The following DOCK7 variants were observed in gnomAD, a reference collection of about 807,000 sequenced individuals.
DOCK7 encodes the protein dedicator of cytokinesis 7, also known as dedicator of cytokinesis protein 7.
Under a neutral mutation model 271.0 loss-of-function variants are expected in DOCK7, and 138 were observed. The observed-to-expected ratio is 0.51, with a 90% confidence interval of 0.44 to 0.59. The LOEUF is 0.59. Ranked by LOEUF, DOCK7 falls within the 20% of genes least tolerant of loss-of-function variation. DOCK7 has a pLI of 0.00. For missense variants in DOCK7, 2,066 were observed against 2,592.4 expected (o/e 0.80, Z 4.41); for synonymous variants, 823 against 876.1 (o/e 0.94, Z 1.07).
Position 62,580,869 on chromosome 1 carries a change from G to T in DOCK7, c.1872-1903C>A, listed in dbSNP as rs147282580. ...TTTTTAAATGATTGGGGGTAAAAAA[G>T]AATAATATTTCACAACATGTGAAAA... On this transcript the variant is annotated intron_variant, in intron 16 of 49. Transcript: ENST00000635253. 5.8e-4 allele frequency among the ~76,000 whole-genome samples: 88 copies of T among 152,178 alleles called. 3 individuals are homozygous for T. In the East Asian group the frequency reaches 0.016, roughly 27 times the overall value.
intron 20 of DOCK7, 30 bp downstream of exon 20, chr1:62,558,959 A>T (rs1472274392): frequency 6.5e-7 from 1 of 1,536,082 alleles, no homozygotes; most frequent in Non-Finnish European, 8.9e-7. Flanking sequence ...TATAAATTTC[A>T]CGTCTCATCC....
At chr1:62,539,093 G>A (rs936906736) in intron 27 of DOCK7, among the ~76,000 whole-genome samples, 4 of 152,162 alleles carry the variant, frequency 2.6e-5, no homozygotes, top group African/African-American at 4.8e-5. Context: ...TGAACATATG[G>A]CAAATGGGTA....
Position 62,489,031 on chromosome 1 carries a change from T to C in DOCK7, c.5396A>G (p.Lys1799Arg), listed in dbSNP as rs1646380036. Residue 1799 changes from lysine to arginine, a missense_variant, in exon 42 of 50, where the codon AAA becomes AGA. By Grantham distance (26) the Lys-to-Arg change is conservative (BLOSUM62 2). This residue lies in a region of DOCK7 where 652 missense variants were observed against 922.1 expected (regional missense o/e 0.71). Coordinates refer to ENST00000635253, the MANE Select transcript of DOCK7 (RefSeq NM_001367561.1). ...GMYEAVNEVY[K>R]VLIPIHEANR... ...AGCTTCATGAATAGGAATAAGTACTTTGTAAACTTCATTAACTGCTTCATA... is the reference window on the plus strand; with the variant it reads ...AGCTTCATGAATAGGAATAAGTACTCTGTAAACTTCATTAACTGCTTCATA... 1.2e-6 allele frequency: 2 copies of C among 1,605,476 alleles called. No homozygotes were observed. Among genetic ancestry groups the C allele is most frequent in the South Asian group, 2.2e-5 (2 of 90,046 alleles).
In DOCK7 at chr1:62,555,862, G is replaced by A. The variant is rs1646124771; in HGVS notation, c.2559C>T (p.Phe853=). ...AATTAGGGTAAGTATTTGGTAGGCG[G>A]AAAACATAATGAATATATGATGCAA... ...SLLASYIHYV[F]RLPNTYPNSS... is the part of the protein sequence containing the mutation. Residue 853 remains phenylalanine (F), a synonymous_variant, in exon 21 of 50, where the codon TTC becomes TTT. Coordinates refer to ENST00000635253, the MANE Select transcript of DOCK7 (RefSeq NM_001367561.1). 1 of 1,613,320 alleles carries A rather than the reference G, an allele frequency of 6.2e-7. No individual in the cohort carries two copies. The highest frequency in any genetic ancestry group is 1.1e-5 in the South Asian group (1 of 90,940).
chr1:62,577,219 C>A, intron 18 of DOCK7, 43 bp downstream of exon 18: 2 of 1,252,818 alleles, frequency 1.6e-6, no homozygotes, highest in South Asian at 2.3e-5. Flanking sequence ...GTAAAAAACC[C>A]ATTTCATTCA....
intron 29 of DOCK7, 128 bp downstream of exon 29, chr1:62,535,365 T>C: frequency 1.4e-6 from 1 of 718,756 alleles, no homozygotes; most frequent in Non-Finnish European, 2.2e-6. Flanking sequence ...AGAAACTTAG[T>C]GAAGAGGGAA....
chr1:62,621,484 T>C (rs1387413471), intron 12 of DOCK7, among the ~76,000 whole-genome samples: 1 of 152,194 alleles, frequency 6.6e-6, no homozygotes, highest in African/African-American at 2.4e-5. Context: ...TGTTCTTTTA[T>C]CTTATTTGGT....
intron 22 of DOCK7, among the ~76,000 whole-genome samples, chr1:62,551,698 A>C (rs761337150): frequency 1.5e-4 from 23 of 152,050 alleles, no homozygotes; most frequent in Admixed American, 3.3e-4. Context: ...AAAAGAAAAC[A>C]ACATAAAAAC....
chr1:62,461,328 GAT>G (rs1282515798), intron 48 of DOCK7, among the ~76,000 whole-genome samples: 5 of 151,796 alleles, frequency 3.3e-5, no homozygotes, highest in African/African-American at 1.2e-4. Flanking sequence ...ATTCTAATAA[GAT>G]AAATTATTAG....
intron 35 of DOCK7, among the ~76,000 whole-genome samples, chr1:62,506,192 C>T (rs1646930985): frequency 6.6e-6 from 1 of 151,986 alleles, no homozygotes; most frequent in Non-Finnish European, 1.5e-5. Flanking sequence ...GTTGGTGGTA[C>T]ACAAATAACC....
At chr1:62,603,175 G>C (rs1650408421) in intron 14 of DOCK7, among the ~76,000 whole-genome samples, 1 of 151,642 alleles carries the variant, frequency 6.6e-6, no homozygotes, top group Non-Finnish European at 1.5e-5. Flanking sequence ...AAAATAAAAG[G>C]CTGACAGGTA....
chr1:62,480,095 C>CTA (rs1646076715), intron 43 of DOCK7, among the ~76,000 whole-genome samples: 2 of 152,110 alleles, frequency 1.3e-5, no homozygotes, highest in African/African-American at 4.8e-5. Context: ...GGACTTGTTC[C>CTA]CTTTAGTTAA....
chr1:62,633,478 T>A lies in DOCK7; in HGVS notation c.1116+20A>T, dbSNP rs751142199. ...TACAATAGTAATAATGTGGCGGAAATGAGAAGCATAACATTCTACCTTGGT... is the reference window on the plus strand; with the variant it reads ...TACAATAGTAATAATGTGGCGGAAAAGAGAAGCATAACATTCTACCTTGGT... On this transcript the variant is annotated intron_variant, in intron 10 of 49. Transcript: ENST00000635253. 6.4e-7 allele frequency: 1 copy of A among 1,564,980 alleles called. No individual in the cohort carries two copies. The highest frequency in any genetic ancestry group is 8.8e-7 in the Non-Finnish European group (1 of 1,138,408).
chr1:62,683,277 C>T (rs1043399729), intron 1 of DOCK7, among the ~76,000 whole-genome samples: 9 of 152,082 alleles, frequency 5.9e-5, no homozygotes, highest in African/African-American at 1.9e-4. Context: ...ATATGTGTTC[C>T]GCAAGATAAA....
intron 2 of DOCK7, among the ~76,000 whole-genome samples, chr1:62,659,851 T>C (rs897006387): frequency 1.3e-5 from 2 of 152,272 alleles, no homozygotes; most frequent in South Asian, 2.1e-4. Flanking sequence ...CAAGAGGACA[T>C]AGCAATCTTA....
At chr1:62,643,459 C>T (rs753996891) in intron 7 of DOCK7, among the ~76,000 whole-genome samples, 5 of 152,178 alleles carry the variant, frequency 3.3e-5, no homozygotes, top group Non-Finnish European at 5.9e-5. Context: ...TGTCTTCTGG[C>T]TTCCATTGCT....
At chr1:62,631,719 G>C (rs1654649561) in intron 10 of DOCK7, among the ~76,000 whole-genome samples, 1 of 151,486 alleles carries the variant, frequency 6.6e-6, no homozygotes, top group Non-Finnish European at 1.5e-5. Context: ...TATAACCATG[G>C]TCTAGTCAGC....
At chr1:62,475,164 G>GT (rs747417350) in intron 47 of DOCK7, 44 bp downstream of exon 47, 2 of 1,551,720 alleles carry the variant, frequency 1.3e-6, no homozygotes. Flanking sequence ...ATCCCAAATC[G>GT]TATTTACAGC....
At chr1:62,470,611 T>C (rs1212554740) in intron 48 of DOCK7, among the ~76,000 whole-genome samples, 1 of 152,040 alleles carries the variant, frequency 6.6e-6, no homozygotes, top group African/African-American at 2.4e-5. Context: ...CTGACCAACA[T>C]GATGAAACCC....
Sources: allele counts gnomAD v4.1 joint callset (sites outside exome capture counted in the v4.1 genomes callset), GRCh38; gene constraint gnomAD v4.1.1; regional missense constraint gnomAD v4.1.1; transcripts MANE v1.5; gene names NCBI Gene and HGNC (gene_info 2026-07-23, HGNC 2026-07-21).